GNAO1: variants seen among roughly 807,000 people sequenced by gnomAD.
The protein encoded by GNAO1 is guanine nucleotide-binding protein G(o) subunit alpha.
For synonymous variants in GNAO1, 164 were observed against 180.7 expected, an observed-to-expected ratio of 0.91 and a Z score of 0.74; for missense variants, 166 against 478.7, an observed-to-expected ratio of 0.35 and a Z score of 6.10.
intron 2 of GNAO1, among the ~76,000 whole-genome samples, chr16:56,200,105 C>T (rs2036269450): frequency 6.6e-6 from 1 of 152,162 alleles, no homozygotes; most frequent in South Asian, 2.1e-4. Flanking sequence ...AATAGCTTCT[C>T]CATGCTTTAA....
intron 6 of GNAO1, among the ~76,000 whole-genome samples, chr16:56,339,516 C>T (rs2037778363): frequency 1.3e-5 from 2 of 152,250 alleles, no homozygotes; most frequent in African/African-American, 4.8e-5. Context: ...CAGCCATCCT[C>T]TCTGGTCAGC....
intron 2 of GNAO1, among the ~76,000 whole-genome samples, chr16:56,218,026 C>T (rs1355960699): frequency 6.6e-6 from 1 of 152,204 alleles, no homozygotes; most frequent in Non-Finnish European, 1.5e-5. Flanking sequence ...AAACAACTCA[C>T]CATCTGAAAT....
chr16:56,321,610 G>A (rs1036273867), intron 3 of GNAO1, among the ~76,000 whole-genome samples: 8 of 152,170 alleles, frequency 5.3e-5, no homozygotes, highest in Non-Finnish European at 8.8e-5. Flanking sequence ...TTAGCTCAAC[G>A]CAGACCACTC....
intron 2 of GNAO1, among the ~76,000 whole-genome samples, chr16:56,232,114 T>C (rs1215988105): frequency 6.6e-6 from 1 of 151,988 alleles, no homozygotes; most frequent in Admixed American, 6.6e-5. Context: ...GGATGTCTGC[T>C]TTAAAAAAAA....
In GNAO1 at chr16:56,357,066, A is replaced by G. The variant is rs1423626234; in HGVS notation, c.*992A>G. The G allele has an allele frequency of 6.6e-6, 1 of 151,558 alleles. No homozygotes were observed. The highest frequency in any genetic ancestry group is 6.6e-5 in the Admixed American group (1 of 15,198). The allele number at this position is 151,558 out of a possible 1,614,324, so 9.4% of individuals were successfully genotyped here. ...AAATACCACAAGATGGAAAAAAAAAACAAAAAAATTTAAAAAGATGGAATG... is the reference window on the plus strand; with the variant it reads ...AAATACCACAAGATGGAAAAAAAAAGCAAAAAAATTTAAAAAGATGGAATG... On this transcript the variant is annotated 3_prime_UTR_variant, in exon 9 of 9. Coordinates refer to ENST00000262493, the MANE Select transcript of GNAO1 (RefSeq NM_020988.3).
At chr16:56,201,278 G>A (rs2036279829) in intron 2 of GNAO1, among the ~76,000 whole-genome samples, 1 of 152,144 alleles carries the variant, frequency 6.6e-6, no homozygotes, top group African/African-American at 2.4e-5. Flanking sequence ...AGTTCACCAG[G>A]TCGAAAAAAA....
chr16:56,319,828 G>A (rs2037554024), intron 3 of GNAO1, among the ~76,000 whole-genome samples: 1 of 151,980 alleles, frequency 6.6e-6, no homozygotes, highest in Non-Finnish European at 1.5e-5. Flanking sequence ...TGTCCCCTGG[G>A]CCCTGTCTCC....
intron 4 of GNAO1, among the ~76,000 whole-genome samples, chr16:56,333,306 G>T (rs2037708804): frequency 6.6e-6 from 1 of 150,992 alleles, no homozygotes; most frequent in Non-Finnish European, 1.5e-5. Flanking sequence ...TCCGCCTCCT[G>T]GGTTGAAGCG....
chr16:56,336,526 C>A, intron 5 of GNAO1: 1 of 542,362 alleles, frequency 1.8e-6, no homozygotes, highest in Non-Finnish European at 3.3e-6. Context: ...AGTCCCAGGA[C>A]AGACTCCAGG....
chr16:56,233,949 A>T (rs569341927), intron 2 of GNAO1, among the ~76,000 whole-genome samples: 11 of 152,320 alleles, frequency 7.2e-5, no homozygotes, highest in Admixed American at 3.9e-4. Context: ...AACAGCCCAG[A>T]TGCTGTGCTG....
chr16:56,256,450 G>A (rs188294209), intron 2 of GNAO1, among the ~76,000 whole-genome samples: 2 of 152,052 alleles, frequency 1.3e-5, no homozygotes, highest in Non-Finnish European at 2.9e-5. Context: ...TTTGATCCTT[G>A]CTCCAAAGCT....
chr16:56,213,715 C>T (rs750054785), intron 2 of GNAO1, among the ~76,000 whole-genome samples: 1 of 152,102 alleles, frequency 6.6e-6, no homozygotes, highest in Non-Finnish European at 1.5e-5. Context: ...GTGAAGGAGC[C>T]AGCCATGTGC....
chr16:56,280,887 G>C (rs533376121), intron 3 of GNAO1, among the ~76,000 whole-genome samples: 1 of 152,188 alleles, frequency 6.6e-6, no homozygotes, highest in Non-Finnish European at 1.5e-5. Flanking sequence ...GATGGATTCA[G>C]AGAACTGAAG....
intron 3 of GNAO1, among the ~76,000 whole-genome samples, chr16:56,325,544 C>T (rs2037622852): frequency 6.6e-6 from 1 of 152,152 alleles, no homozygotes; most frequent in Non-Finnish European, 1.5e-5. Flanking sequence ...CCCGTGAAAT[C>T]GGGGAGATGG....
chr16:56,277,771 C>A (rs1437748866), intron 3 of GNAO1, among the ~76,000 whole-genome samples: 1 of 141,966 alleles, frequency 7.0e-6, no homozygotes, highest in Non-Finnish European at 1.5e-5. Context: ...AAAAGGCACA[C>A]CCCCTACACA....
intron 2 of GNAO1, among the ~76,000 whole-genome samples, chr16:56,273,216 A>G (rs1167786432): frequency 6.6e-6 from 1 of 151,982 alleles, no homozygotes; most frequent in African/African-American, 2.4e-5. Flanking sequence ...AACATAATAC[A>G]TTTTTCAGCT....
intron 2 of GNAO1, among the ~76,000 whole-genome samples, chr16:56,249,546 G>A (rs2036780715): frequency 6.6e-6 from 1 of 152,128 alleles, no homozygotes; most frequent in African/African-American, 2.4e-5. Flanking sequence ...GAGAGGAGCT[G>A]GAACAGAGCT....
chr16:56,336,684 C>T (rs759739007), intron 5 of GNAO1, 47 bp from the exon 6 acceptor site: 7 of 1,552,838 alleles, frequency 4.5e-6, no homozygotes, highest in East Asian at 2.3e-5. Flanking sequence ...CCCAGGCAGC[C>T]CTCACCTGCC....
chr16:56,217,360 C>T (rs979025855), intron 2 of GNAO1, among the ~76,000 whole-genome samples: 9 of 152,308 alleles, frequency 5.9e-5, no homozygotes, highest in Admixed American at 2.6e-4. Context: ...TTTAGCTAAA[C>T]GCTTGCAGTG....
Sources: gnomAD v4.1 joint callset for allele counts (sites outside exome capture counted in the v4.1 genomes callset) on GRCh38, gnomAD v4.1.1 for gene constraint, MANE v1.5 for transcripts, NCBI Gene and HGNC (gene_info 2026-07-23, HGNC 2026-07-21) for gene names.